LYPLAL1: variants seen among roughly 807,000 people sequenced by gnomAD.
LYPLAL1 encodes lysophospholipase like 1.
A neutral mutation model predicts 19.7 loss-of-function variants in LYPLAL1; 23 were observed. That is an observed-to-expected ratio of 1.17 (90% CI 0.84 to 1.65). The LOEUF (loss-of-function observed/expected upper bound fraction) is 1.65. LYPLAL1 is among the 40% of genes most tolerant of loss of function. LYPLAL1 has a pLI of 0.00. For synonymous variants in LYPLAL1, 119 were observed against 96.3 expected (o/e 1.24, Z -1.38); for missense variants, 355 against 279.4 (o/e 1.27, Z -1.93).
chr1:219,178,915 C>G (rs1406935860), intron 1 of LYPLAL1, among the ~76,000 whole-genome samples: 1 of 151,986 alleles, frequency 6.6e-6, no homozygotes, highest in Non-Finnish European at 1.5e-5. Flanking sequence ...ACAAGATCTT[C>G]AGAGTAATCA....
At chr1:219,199,637 TG>T (rs1288719620) in intron 3 of LYPLAL1, among the ~76,000 whole-genome samples, 1 of 147,514 alleles carries the variant, frequency 6.8e-6, no homozygotes, top group African/African-American at 2.5e-5. Flanking sequence ...TTTTTTGAGA[TG>T]GAGTCTCACT....
At chr1:219,290,377 G>A in the LYPLAL1 span, among the ~76,000 whole-genome samples, 1 of 152,112 alleles carries the variant, frequency 6.6e-6, no homozygotes, top group Non-Finnish European at 1.5e-5. Context: ...GTTATTCCTA[G>A]CCCCTCTACA....
chr1:219,365,370 C>G, the LYPLAL1 span, among the ~76,000 whole-genome samples: 1 of 152,110 alleles, frequency 6.6e-6, no homozygotes, highest in African/African-American at 2.4e-5. Context: ...ATCCTCCATG[C>G]TAATTTATTT....
chr1:219,244,934 A>T, the LYPLAL1 span, among the ~76,000 whole-genome samples: 4 of 151,224 alleles, frequency 2.6e-5, no homozygotes, highest in South Asian at 8.4e-4. Flanking sequence ...AAAACAAAAA[A>T]CACTTGCCAT....
Position 219,210,523 on chromosome 1 carries a change from T to C in LYPLAL1, c.362-9T>C. 1.3e-6 allele frequency: 2 copies of C among 1,522,596 alleles called. No homozygotes were observed. Among genetic ancestry groups the C allele is most frequent in the Non-Finnish European group, 1.8e-6 (2 of 1,112,642 alleles). 94.3% of individuals were successfully genotyped at this position (1,522,596 alleles called of 1,614,324 possible). On this transcript the variant is annotated splice_polypyrimidine_tract_variant and intron_variant, in intron 3 of 4. Coordinates refer to ENST00000366928, the MANE Select transcript of LYPLAL1 (RefSeq NM_138794.5). ...TGTATTCTACTTTTAAGTATGTTTT[T>C]GTTTTTAGGAGGATTCTCTATGGGA...
the LYPLAL1 span, among the ~76,000 whole-genome samples, chr1:219,425,881 T>TCAAC: frequency 1.3e-5 from 2 of 152,360 alleles, 1 homozygote; most frequent in South Asian, 4.1e-4. Flanking sequence ...AAAAAAGTTT[T>TCAAC]TAACTCAGAC....
the LYPLAL1 span, among the ~76,000 whole-genome samples, chr1:219,334,047 A>C: frequency 1.3e-5 from 2 of 152,050 alleles, no homozygotes; most frequent in Admixed American, 6.6e-5. Context: ...AAAGACTTCA[A>C]ATGAAGCCTT....
chr1:219,302,661 A>G, the LYPLAL1 span, among the ~76,000 whole-genome samples: 1 of 152,146 alleles, frequency 6.6e-6, no homozygotes, highest in Non-Finnish European at 1.5e-5. Context: ...ATCCAAACAT[A>G]CATTGCCTAG....
chr1:219,198,327 A>C (rs1247339764), intron 3 of LYPLAL1, among the ~76,000 whole-genome samples: 1 of 152,070 alleles, frequency 6.6e-6, no homozygotes, highest in Non-Finnish European at 1.5e-5. Flanking sequence ...AGAATAGCTT[A>C]TAATATATGC....
the LYPLAL1 span, among the ~76,000 whole-genome samples, chr1:219,441,491 T>C: frequency 1.3e-5 from 2 of 152,182 alleles, no homozygotes; most frequent in African/African-American, 4.8e-5. Flanking sequence ...GAAATTGGTA[T>C]ATGGAGGCTT....
At chr1:219,333,028 T>C in the LYPLAL1 span, among the ~76,000 whole-genome samples, 15 of 152,092 alleles carry the variant, frequency 9.9e-5, no homozygotes, top group Non-Finnish European at 4.4e-5. Flanking sequence ...TATGACTCTC[T>C]TCTTTCATCT....
the LYPLAL1 span, among the ~76,000 whole-genome samples, chr1:219,344,527 C>A: frequency 6.6e-6 from 1 of 152,256 alleles, no homozygotes; most frequent in East Asian, 1.9e-4. Context: ...TTAAATAAGT[C>A]CACAGCATAA....
chr1:219,416,275 G>C, the LYPLAL1 span, among the ~76,000 whole-genome samples: 1 of 152,176 alleles, frequency 6.6e-6, no homozygotes, highest in African/African-American at 2.4e-5. Flanking sequence ...GGTTGTGACA[G>C]TTTCTCAGAC....
chr1:219,193,005 A>G, intron 2 of LYPLAL1, 77 bp from the exon 3 acceptor site: 1 of 1,366,002 alleles, frequency 7.3e-7, no homozygotes, highest in Non-Finnish European at 9.8e-7. Flanking sequence ...AAACACTATT[A>G]TTTTGGTAAT....
chr1:219,429,616 C>A, the LYPLAL1 span, among the ~76,000 whole-genome samples: 3 of 152,034 alleles, frequency 2.0e-5, no homozygotes, highest in Non-Finnish European at 2.9e-5. Context: ...ATGATGGCAC[C>A]ACTGCAGTCC....
chr1:219,257,288 G>A, the LYPLAL1 span, among the ~76,000 whole-genome samples: 6 of 150,138 alleles, frequency 4.0e-5, no homozygotes, highest in African/African-American at 9.8e-5. Flanking sequence ...TACCTTTTTA[G>A]CATTATGAAA....
chr1:219,332,361 A>T, the LYPLAL1 span, among the ~76,000 whole-genome samples: 6 of 152,168 alleles, frequency 3.9e-5, no homozygotes, highest in Non-Finnish European at 7.4e-5. Context: ...GAGTTGCCAG[A>T]TATATGAGTG....
the LYPLAL1 span, among the ~76,000 whole-genome samples, chr1:219,262,492 G>C: frequency 6.6e-6 from 1 of 152,132 alleles, no homozygotes; most frequent in African/African-American, 2.4e-5. Flanking sequence ...GGAACTCAAG[G>C]GCTGCTGTTC....
chr1:219,368,939 A>G, the LYPLAL1 span, among the ~76,000 whole-genome samples: 1 of 152,268 alleles, frequency 6.6e-6, no homozygotes, highest in Admixed American at 6.5e-5. Flanking sequence ...TTTTTCCAAC[A>G]AGAACAGAGA....
Sources: allele counts gnomAD v4.1 joint callset (sites outside exome capture counted in the v4.1 genomes callset), GRCh38; gene constraint gnomAD v4.1.1; transcripts MANE v1.5; gene names NCBI Gene and HGNC (gene_info 2026-07-23, HGNC 2026-07-21).